The following ZMYND8 variants were observed in gnomAD, a reference collection of about 807,000 sequenced individuals.
The protein encoded by ZMYND8 is zinc finger MYND-type containing 8, also known as MYND-type zinc finger-containing chromatin reader ZMYND8.
Under a neutral mutation model 140.8 loss-of-function variants are expected in ZMYND8, and 37 were observed. The observed-to-expected ratio is 0.26, with a 90% CI of 0.20 to 0.35. The LOEUF (loss-of-function observed/expected upper bound fraction) is 0.35, where lower values mean the gene tolerates loss of function less well. Among genes scored for constraint, ZMYND8 ranks in the 10% least tolerant of loss-of-function variants. The pLI, the probability that ZMYND8 is intolerant of heterozygous loss-of-function variation, is 1.00. For synonymous variants in ZMYND8, 592 were observed against 597.1 expected, an observed-to-expected ratio of 0.99 and a Z score of 0.12; for missense variants, 1,068 against 1,570.0, an observed-to-expected ratio of 0.68 and a Z score of 5.40.
intron 14 of ZMYND8, among the ~76,000 whole-genome samples, chr20:47,245,752 G>A (rs181239049): frequency 1.4e-3 from 208 of 152,304 alleles, no homozygotes; most frequent in African/African-American, 4.8e-3. Context: ...TTCTCTTTCT[G>A]TACTCAAAAT....
intron 2 of ZMYND8, among the ~76,000 whole-genome samples, chr20:47,313,910 G>A (rs943215688): frequency 1.3e-5 from 2 of 152,084 alleles, no homozygotes; most frequent in African/African-American, 2.4e-5. Flanking sequence ...TCCAGCCTGG[G>A]CAACAGAGCA....
At chr20:47,274,942 T>C (rs1487354606) in intron 11 of ZMYND8, among the ~76,000 whole-genome samples, 3 of 152,206 alleles carry the variant, frequency 2.0e-5, no homozygotes, top group African/African-American at 7.2e-5. Flanking sequence ...CATGGTATCC[T>C]GAAGAACTGA....
At chr20:47,300,407 C>T (rs924426850) in intron 3 of ZMYND8, among the ~76,000 whole-genome samples, 2 of 152,142 alleles carry the variant, frequency 1.3e-5, no homozygotes, top group Non-Finnish European at 2.9e-5. Context: ...ATGATGGTTT[C>T]CTCCACAAAT....
At chr20:47,287,316 A>C (rs754673553) in intron 7 of ZMYND8, 32 bp from the exon 8 acceptor site, 2 of 1,577,608 alleles carry the variant, frequency 1.3e-6, no homozygotes, top group Non-Finnish European at 1.7e-6. Flanking sequence ...ATTAATTCTA[A>C]TGGAAATACC....
In ZMYND8 at chr20:47,215,507, CTTTTTTTT is replaced by C. The variant is rs35634467; in HGVS notation, c.3485-2790_3485-2783del. Among the ~76,000 whole-genome samples, 458 of 144,028 alleles carry C rather than the reference CTTTTTTTT, an allele frequency of 3.2e-3. 3 individuals carry two copies. The highest frequency in any genetic ancestry group is 0.011 in the African/African-American group (435 of 39,416). 94.5% of individuals were successfully genotyped at this position (144,028 alleles called of 152,430 possible). A position where few individuals can be genotyped will look rare whatever the true frequency, so the allele number is the denominator to read the frequency against. On this transcript the variant is annotated intron_variant, in intron 21 of 22. Coordinates refer to ENST00000471951, the MANE Select transcript of ZMYND8 (RefSeq NM_001281775.3). Reference sequence around the variant, plus strand: ...AGGGAAATGGAGACAAATGAAACAACTTTTTTTTTTTTTTTTAAATATGAGGTCTCACT... The same window carrying C: ...AGGGAAATGGAGACAAATGAAACAACTTTTTTTTAAATATGAGGTCTCACT...
At chr20:47,319,137 A>G (rs1223731008) in intron 2 of ZMYND8, 1 of 947,798 alleles carries the variant, frequency 1.1e-6, no homozygotes, top group Non-Finnish European at 1.5e-6. Flanking sequence ...TCTTGTACGC[A>G]TTAGGTCGCC....
chr20:47,348,061 C>T, intron 1 of ZMYND8, 135 bp from the exon 2 acceptor site: 2 of 815,720 alleles, frequency 2.5e-6, no homozygotes, highest in Non-Finnish European at 4.1e-6. Flanking sequence ...GGGGAGGAAA[C>T]CCACACCTGA....
chr20:47,336,296 C>T (rs1326213919), intron 2 of ZMYND8, among the ~76,000 whole-genome samples: 1 of 152,184 alleles, frequency 6.6e-6, no homozygotes, highest in Non-Finnish European at 1.5e-5. Context: ...ATACCCCCAG[C>T]AAATCTCAGC....
At chr20:47,312,969 T>C (rs6094660) in intron 2 of ZMYND8, among the ~76,000 whole-genome samples, 41,107 of 151,792 alleles carry the variant, frequency 0.27, 9,213 homozygotes, top group African/African-American at 0.62. Flanking sequence ...ACAAACATAG[T>C]GGAAAAGGAG....
chr20:47,219,055 A>ATTTCTTTTTTTTTTTT (rs2036542045), intron 21 of ZMYND8, among the ~76,000 whole-genome samples: 1 of 110,944 alleles, frequency 9.0e-6, no homozygotes, highest in Non-Finnish European at 1.8e-5. Context: ...CGTTTCTACA[A>ATTTCTTTTTTTTTTTT]TTTTTTTTTT....
intron 2 of ZMYND8, among the ~76,000 whole-genome samples, chr20:47,310,534 A>T (rs2078842999): frequency 6.6e-6 from 1 of 152,162 alleles, no homozygotes; most frequent in Non-Finnish European, 1.5e-5. Context: ...ACGGTGGCTC[A>T]TGCCTGTAAT....
intron 22 of ZMYND8, 23 bp downstream of exon 22, chr20:47,212,619 T>A: frequency 6.2e-7 from 1 of 1,613,334 alleles, no homozygotes; most frequent in Non-Finnish European, 8.5e-7. Flanking sequence ...CCGGCAGCTT[T>A]CGTAAGACAG....
chr20:47,301,200 G>A (rs1258230485), intron 3 of ZMYND8, among the ~76,000 whole-genome samples: 1 of 149,810 alleles, frequency 6.7e-6, no homozygotes, highest in African/African-American at 2.5e-5. Context: ...TGTTGCCCAG[G>A]ATAGAGTGCA....
At chr20:47,301,057 C>T (rs1350300644) in intron 3 of ZMYND8, among the ~76,000 whole-genome samples, 1 of 151,954 alleles carries the variant, frequency 6.6e-6, no homozygotes, top group African/African-American at 2.4e-5. Context: ...CTTGTAGATG[C>T]TTGCTTAGTA....
At chr20:47,283,470 CAA>C in intron 9 of ZMYND8, 99 bp downstream of exon 9, 1 of 1,208,152 alleles carries the variant, frequency 8.3e-7, no homozygotes. Context: ...AAACTCCATC[CAA>C]AGTTTCATCT....
intron 11 of ZMYND8, among the ~76,000 whole-genome samples, chr20:47,271,964 T>G (rs1238249589): frequency 6.6e-6 from 1 of 151,268 alleles, no homozygotes; most frequent in Non-Finnish European, 1.5e-5. Flanking sequence ...ATTACAGGCA[T>G]GAGCCACTGC....
chr20:47,321,856 C>CTTTTT lies in ZMYND8; in HGVS notation c.86-11657_86-11653dup, dbSNP rs60425976. Among the ~76,000 whole-genome samples, 77 of 123,460 alleles carry CTTTTT rather than the reference C, an allele frequency of 6.2e-4. 3 individuals are homozygous for CTTTTT. Among genetic ancestry groups the CTTTTT allele is most frequent in the African/African-American group, 2.3e-3 (69 of 30,402 alleles). The allele number at this position is 123,460 out of a possible 152,430, so 81.0% of individuals were successfully genotyped here. A position where few individuals can be genotyped will look rare whatever the true frequency, so the allele number is the denominator to read the frequency against. On this transcript the variant is annotated intron_variant, in intron 2 of 22. Coordinates refer to ENST00000471951, the MANE Select transcript of ZMYND8 (RefSeq NM_001281775.3). ...ATCGATTTATTTAAAACTCGCCGCC[C>CTTTTT]TTTTTTTTTTTTTTTTTTTTTTGAA...
At chr20:47,215,008 A>G (rs1397970822) in intron 21 of ZMYND8, among the ~76,000 whole-genome samples, 1 of 152,172 alleles carries the variant, frequency 6.6e-6, no homozygotes, top group East Asian at 1.9e-4. Flanking sequence ...GCTTGAGCTC[A>G]GGCCAAGTTC....
intron 15 of ZMYND8, chr20:47,237,590 C>G (rs2039412748): frequency 6.6e-6 from 1 of 152,166 alleles, no homozygotes; most frequent in South Asian, 2.1e-4. Context: ...TTTTAAATAG[C>G]AAGATTAATC....
Sources: gnomAD v4.1 joint callset for allele counts (sites outside exome capture counted in the v4.1 genomes callset) on GRCh38, gnomAD v4.1.1 for gene constraint, MANE v1.5 for transcripts, NCBI Gene and HGNC (gene_info 2026-07-23, HGNC 2026-07-21) for gene names.